The following SLC24A2 variants were observed in gnomAD, a reference collection of about 807,000 sequenced individuals.
SLC24A2 encodes solute carrier family 24 member 2, also known as sodium/potassium/calcium exchanger 2.
In SLC24A2, 36 loss-of-function variants were observed where a neutral mutation model predicts 62.0. The ratio of observed to expected loss-of-function variants is 0.58; its 90% CI spans 0.44 to 0.77. The LOEUF (loss-of-function observed/expected upper bound fraction) is 0.77, where lower values mean the gene tolerates loss of function less well. SLC24A2 is among the 30% of genes least tolerant of loss of function. SLC24A2 has a pLI of 0.00. For missense variants in SLC24A2, 846 were observed against 817.9 expected, an observed-to-expected ratio of 1.03 and a Z score of -0.42; for synonymous variants, 358 against 294.0, an observed-to-expected ratio of 1.22 and a Z score of -2.23.
chr9:20,169,301 C>T, the SLC24A2 span, among the ~76,000 whole-genome samples: 1 of 152,044 alleles, frequency 6.6e-6, no homozygotes, highest in South Asian at 2.1e-4. Flanking sequence ...TACTAGATTG[C>T]AGCTCCCACT....
At chr9:20,223,813 T>C in the SLC24A2 span, among the ~76,000 whole-genome samples, 1 of 152,146 alleles carries the variant, frequency 6.6e-6, no homozygotes, top group Non-Finnish European at 1.5e-5. Context: ...CCTGTATTAG[T>C]CTGTTTTCAC....
chr9:19,657,927 A>T (rs1233686852), intron 2 of SLC24A2, among the ~76,000 whole-genome samples: 1 of 152,112 alleles, frequency 6.6e-6, no homozygotes, highest in Non-Finnish European at 1.5e-5. Context: ...ATGAGGTCTC[A>T]CTATGTTGCC....
the SLC24A2 span, among the ~76,000 whole-genome samples, chr9:20,019,238 A>AG: frequency 1.3e-5 from 2 of 148,640 alleles, no homozygotes; most frequent in East Asian, 3.9e-4. Context: ...AAAGAAAGAA[A>AG]AAGAAAGAAG....
At chr9:19,845,542 A>T in the SLC24A2 span, among the ~76,000 whole-genome samples, 3 of 152,080 alleles carry the variant, frequency 2.0e-5, no homozygotes, top group Non-Finnish European at 4.4e-5. Flanking sequence ...TCAAAGAGCC[A>T]ACATTTGTTT....
rs375999864 is a variant in SLC24A2 at position 19,555,463 on chromosome 9, C to T, written c.1348-5195G>A. Among the ~76,000 whole-genome samples the T allele has an allele frequency of 8.5e-5, 13 of 152,196 alleles. No individual in the cohort carries two copies. In the East Asian group the frequency reaches 1.2e-3, roughly 14 times the overall value. The stretch of plus-strand genomic sequence containing the variant: ...TGGTGGATCTGTGCTCACCATGTTG[C>T]GGTCTTAGTACTGTCATTTCTCATC... On this transcript the variant is annotated intron_variant, in intron 7 of 10. Transcript: ENST00000341998.
Position 19,516,398 on chromosome 9 carries a change from G to A in SLC24A2, c.1741C>T (p.Pro581Ser). 1 of 1,613,730 alleles carries A rather than the reference G, an allele frequency of 6.2e-7. No individual in the cohort carries two copies. The highest frequency in any genetic ancestry group is 8.5e-7 in the Non-Finnish European group (1 of 1,179,940). ...SNIFDITVGL[P>S]LPWLLYTVIH... ...ACGGTGTACAGGAGCCAGGGCAGTG[G>A]GAGCCTGTGCAGAAGTGAAGCAGGG... Residue 581 changes from proline to serine, a missense_variant, in exon 11 of 11, where the codon CCA (proline) becomes TCA (serine). Physicochemically the swap from Pro to Ser is moderately conservative, Grantham distance 74 (BLOSUM62 -1). Transcript: ENST00000341998.
At chr9:19,709,656 C>CA (rs1319078434) in intron 2 of SLC24A2, among the ~76,000 whole-genome samples, 2 of 147,888 alleles carry the variant, frequency 1.4e-5, no homozygotes, top group East Asian at 4.1e-4. Context: ...ATCGCAAGGA[C>CA]AAAAAACCAA....
upstream of SLC24A2, among the ~76,000 whole-genome samples, chr9:19,792,210 G>A (rs1392076796): frequency 2.0e-5 from 3 of 152,178 alleles, no homozygotes; most frequent in African/African-American, 7.2e-5. Flanking sequence ...GGGGGCCACA[G>A]TGTCTACAAT....
At chr9:19,698,573 C>A (rs1044264362) in intron 2 of SLC24A2, among the ~76,000 whole-genome samples, 1 of 152,168 alleles carries the variant, frequency 6.6e-6, no homozygotes, top group Non-Finnish European at 1.5e-5. Flanking sequence ...ATTTACTCAT[C>A]CCTTCATCTT....
chr9:19,789,547 C>A (rs902761592), upstream of SLC24A2, among the ~76,000 whole-genome samples: 1 of 152,182 alleles, frequency 6.6e-6, no homozygotes, highest in African/African-American at 2.4e-5. Context: ...GGTGACCTTT[C>A]ATTTCATGGG....
the SLC24A2 span, among the ~76,000 whole-genome samples, chr9:19,947,807 A>G: frequency 5.1e-4 from 57 of 112,200 alleles, 1 homozygote; most frequent in South Asian, 0.018. Flanking sequence ...AAAAAAAAAA[A>G]AAAAGAAAGA....
chr9:19,592,912 C>A (rs1204656331), intron 5 of SLC24A2, among the ~76,000 whole-genome samples: 1 of 152,054 alleles, frequency 6.6e-6, no homozygotes, highest in Non-Finnish European at 1.5e-5. Context: ...GCTGAAGTTA[C>A]CAAAAGACAT....
At chr9:19,878,145 G>A in the SLC24A2 span, among the ~76,000 whole-genome samples, 119 of 152,068 alleles carry the variant, frequency 7.8e-4, no homozygotes, top group African/African-American at 2.7e-3. Flanking sequence ...TTTGGAATGA[G>A]CACAAAAATG....
the SLC24A2 span, among the ~76,000 whole-genome samples, chr9:19,965,089 G>A: frequency 6.6e-6 from 1 of 151,980 alleles, no homozygotes; most frequent in African/African-American, 2.4e-5. Flanking sequence ...ACACACAGGT[G>A]GAAATGACGA....
the SLC24A2 span, among the ~76,000 whole-genome samples, chr9:19,865,168 G>A: frequency 6.6e-6 from 1 of 151,764 alleles, no homozygotes; most frequent in Non-Finnish European, 1.5e-5. Context: ...AAATCACTGA[G>A]GAAAAAAATT....
At chr9:19,801,860 G>C in the SLC24A2 span, among the ~76,000 whole-genome samples, 1 of 152,068 alleles carries the variant, frequency 6.6e-6, no homozygotes, top group African/African-American at 2.4e-5. Flanking sequence ...AATACTTCAG[G>C]TTTTATTAGT....
chr9:19,749,240 G>A (rs954443471), intron 2 of SLC24A2, among the ~76,000 whole-genome samples: 1 of 151,950 alleles, frequency 6.6e-6, no homozygotes, highest in Non-Finnish European at 1.5e-5. Context: ...TTTAAAATGA[G>A]ATAAAAGAAC....
chr9:20,263,295 C>CA, the SLC24A2 span, among the ~76,000 whole-genome samples: 23 of 152,136 alleles, frequency 1.5e-4, no homozygotes, highest in African/African-American at 5.6e-4. Flanking sequence ...CTCTGTTGCC[C>CA]AGGCTGGCCT....
the SLC24A2 span, among the ~76,000 whole-genome samples, chr9:20,294,779 A>T: frequency 1.3e-5 from 2 of 152,128 alleles, no homozygotes; most frequent in African/African-American, 2.4e-5. Context: ...CCTCAACCTC[A>T]CAAGTGCACG....
Sources: allele counts gnomAD v4.1 joint callset (sites outside exome capture counted in the v4.1 genomes callset), GRCh38; gene constraint gnomAD v4.1.1; transcripts MANE v1.5; gene names NCBI Gene and HGNC (gene_info 2026-07-23, HGNC 2026-07-21).